The following GALP variants were observed in gnomAD, a reference collection of about 807,000 sequenced individuals.
The protein encoded by GALP is galanin like peptide, also known as galanin-like peptide.
Under a neutral mutation model 15.2 loss-of-function variants are expected in GALP, and 12 were observed. The ratio of observed to expected loss-of-function variants is 0.79; its 90% CI spans 0.51 to 1.28. The LOEUF (loss-of-function observed/expected upper bound fraction) is 1.28, where lower values mean the gene tolerates loss of function less well. Ranked by LOEUF, GALP falls within the 50% of genes most tolerant of loss-of-function variation. The pLI is 0.00. For missense variants in GALP, 161 were observed against 145.6 expected, an observed-to-expected ratio of 1.11 and a Z score of -0.55; for synonymous variants, 58 against 55.1, an observed-to-expected ratio of 1.05 and a Z score of -0.23.
In GALP at chr19:56,182,208, A is replaced by G; in HGVS notation, c.173A>G (p.Lys58Arg). ...HLPQMGDQDGKRETALEILDL... is the reference protein window; with the variant it reads ...HLPQMGDQDGRRETALEILDL... ...CCCCAAATGGGTGACCAAGACGGAA[A>G]GAGGGAGACAGCCCTTGAGATCCTA... is the stretch of plus-strand genomic sequence containing the variant. The change falls in exon 4 of 6, where the codon AAG (lysine) becomes AGG (arginine). Residue 58 changes from lysine (K) to arginine (R), a missense_variant. Lys to Arg is a conservative substitution (Grantham distance 26). Transcript: ENST00000357330. 6.2e-7 allele frequency: 1 copy of G among 1,614,044 alleles called. No homozygotes were observed. Among genetic ancestry groups the G allele is most frequent in the Non-Finnish European group, 8.5e-7 (1 of 1,179,890 alleles).
At chr19:56,183,701 G>A (rs932735537) in intron 5 of GALP, among the ~76,000 whole-genome samples, 10 of 152,158 alleles carry the variant, frequency 6.6e-5, no homozygotes, top group East Asian at 1.9e-4. Flanking sequence ...GTGTTCAAGC[G>A]ATTCTTCTGC....
Position 56,185,208 on chromosome 19 carries a change from C to T in GALP, c.296-7C>T. On this transcript the variant is annotated splice_region_variant and splice_polypyrimidine_tract_variant and intron_variant, in intron 5 of 5. Transcript: ENST00000357330. Reference sequence around the variant, plus strand: ...CCATTCAAAGTTTACCTCTTTCTTTCCCACAGATCTGGGCATGCTCAGCAT... The same window carrying T: ...CCATTCAAAGTTTACCTCTTTCTTTTCCACAGATCTGGGCATGCTCAGCAT... 1.3e-6 allele frequency: 2 copies of T among 1,596,778 alleles called. No homozygotes were observed. The highest frequency in any genetic ancestry group is 1.7e-5 in the Admixed American group (1 of 59,336).
chr19:56,185,477 C>A lies in GALP; in HGVS notation c.*207C>A. On this transcript the variant is annotated 3_prime_UTR_variant, in exon 6 of 6. Transcript: ENST00000357330. Reference sequence around the variant, plus strand: ...TCATCCTTGAAATCAGTATAATGTGCTATTAATGGAACCAATAGTAATTCG... The same window carrying A: ...TCATCCTTGAAATCAGTATAATGTGATATTAATGGAACCAATAGTAATTCG... The A allele has an allele frequency of 2.3e-6, 1 of 443,604 alleles. No homozygotes were observed. The highest frequency in any genetic ancestry group is 3.9e-6 in the Non-Finnish European group (1 of 254,124). The allele number at this position is 443,604 out of a possible 1,614,324, so 27.5% of individuals were successfully genotyped here. A position where few individuals can be genotyped will look rare whatever the true frequency, so the allele number is the denominator to read the frequency against.
At chr19:56,176,824 G>C (rs1489090623) in intron 1 of GALP, among the ~76,000 whole-genome samples, 1 of 134,736 alleles carries the variant, frequency 7.4e-6, no homozygotes, top group African/African-American at 2.8e-5. Context: ...TGAAGATGGA[G>C]TGGTGGAGGC....
chr19:56,181,996 G>A (rs764640637), intron 3 of GALP, among the ~76,000 whole-genome samples, 176 bp from the exon 4 acceptor site: 1 of 152,116 alleles, frequency 6.6e-6, no homozygotes, highest in African/African-American at 2.4e-5. Flanking sequence ...GCAAGTGACC[G>A]CTTGCAGCTG....
At chr19:56,180,412 G>A (rs1046124662) in intron 2 of GALP, among the ~76,000 whole-genome samples, 174 bp from the exon 3 acceptor site, 1 of 152,150 alleles carries the variant, frequency 6.6e-6, no homozygotes, top group Non-Finnish European at 1.5e-5. Flanking sequence ...TTCCAGGCCA[G>A]TTGGCTTTGT....
At chr19:56,180,700 G>C in intron 3 of GALP, 66 bp downstream of exon 3, 1 of 1,344,786 alleles carries the variant, frequency 7.4e-7, no homozygotes, top group South Asian at 1.2e-5. Flanking sequence ...CAGGCAGTGA[G>C]TTTGTGGCTT....
At position 56,180,907 on chromosome 19, in the gene GALP, CTTTCTTTCTTTTTTTTT is replaced by C. The variant is rs1227703003; in HGVS notation, c.136+277_136+293del. Among the ~76,000 whole-genome samples the C allele has an allele frequency of 7.8e-4, 65 of 83,724 alleles. 1 individual carries two copies. In the East Asian group the frequency reaches 0.015, roughly 19 times the overall value. The allele number at this position is 83,724 out of a possible 152,430, so 54.9% of individuals were successfully genotyped here. On this transcript the variant is annotated intron_variant, in intron 3 of 5. Coordinates refer to ENST00000357330, the MANE Select transcript of GALP (RefSeq NM_033106.4). ...TCTCTCACTCTTTCTTTCTTTCTTT[CTTTCTTTCTTTTTTTTT>C]TTTTTTTTTTTTTGACAGAGTCTCG...
chr19:56,185,523 G>T lies in GALP; in HGVS notation c.*253G>T. 2.9e-6 allele frequency: 1 copy of T among 341,602 alleles called. No individual in the cohort carries two copies. Among genetic ancestry groups the T allele is most frequent in the Non-Finnish European group, 5.2e-6 (1 of 190,680 alleles). 21.2% of individuals were successfully genotyped at this position (341,602 alleles called of 1,614,324 possible). A position where few individuals can be genotyped will look rare whatever the true frequency, so the allele number is the denominator to read the frequency against. On this transcript the variant is annotated 3_prime_UTR_variant, in exon 6 of 6. Transcript: ENST00000357330. Reference sequence around the variant, plus strand: ...ATTCGAGGACTAGTTGGGAGATTCTGGGGTAATCAGGGAATATTCCTGCAA... The same window carrying T: ...ATTCGAGGACTAGTTGGGAGATTCTTGGGTAATCAGGGAATATTCCTGCAA...
intron 2 of GALP, among the ~76,000 whole-genome samples, chr19:56,179,246 T>G (rs911658802): frequency 1.8e-4 from 28 of 151,854 alleles, no homozygotes; most frequent in Non-Finnish European, 3.8e-4. Context: ...CCAGCTGTTC[T>G]TCTTAGTGTG....
chr19:56,182,091 T>C (rs941239703), intron 3 of GALP, 81 bp from the exon 4 acceptor site: 2 of 979,956 alleles, frequency 2.0e-6, no homozygotes, highest in Admixed American at 3.4e-5. Flanking sequence ...CGGTGAGCCA[T>C]GCTGTTGAAT....
intron 5 of GALP, 121 bp downstream of exon 5, chr19:56,183,333 C>A (rs2032598671): frequency 9.3e-6 from 7 of 756,394 alleles, no homozygotes; most frequent in Middle Eastern, 3.2e-4. Context: ...GGGACCTCCT[C>A]ACCTGTAACC....
chr19:56,180,441 T>C, intron 2 of GALP, 145 bp from the exon 3 acceptor site: 1 of 655,594 alleles, frequency 1.5e-6, no homozygotes, highest in Non-Finnish European at 2.8e-6. Flanking sequence ...GTCCTCAATT[T>C]CCTCATCGGT....
intron 3 of GALP, among the ~76,000 whole-genome samples, chr19:56,181,827 G>A (rs1319616289): frequency 6.6e-6 from 1 of 152,136 alleles, no homozygotes; most frequent in Non-Finnish European, 1.5e-5. Flanking sequence ...AAAATACCGA[G>A]ATTCCCGTGG....
intron 3 of GALP, among the ~76,000 whole-genome samples, 157 bp downstream of exon 3, chr19:56,180,791 T>C (rs1205600905): frequency 3.3e-5 from 5 of 151,946 alleles, no homozygotes; most frequent in Non-Finnish European, 7.4e-5. Context: ...AGCAGAGCGA[T>C]GGGTGTGTGG....
At position 56,182,085 on chromosome 19, in the gene GALP, G is replaced by T. The variant is rs905733740; in HGVS notation, c.137-87G>T. 65 of 936,458 alleles carry T rather than the reference G, an allele frequency of 6.9e-5. 1 individual carries two copies. In the South Asian group the frequency reaches 8.7e-4, roughly 13 times the overall value. 58.0% of individuals were successfully genotyped at this position (936,458 alleles called of 1,614,324 possible). On this transcript the variant is annotated intron_variant, in intron 3 of 5. Coordinates refer to ENST00000357330, the MANE Select transcript of GALP (RefSeq NM_033106.4). ...ACTTGGTGGAGGCGCTGCGTCCGGT[G>T]AGCCATGCTGTTGAATTGATGGACG...
chr19:56,179,753 C>A (rs1312780214), intron 2 of GALP, among the ~76,000 whole-genome samples: 1 of 151,774 alleles, frequency 6.6e-6, no homozygotes, highest in Non-Finnish European at 1.5e-5. Flanking sequence ...AAGTGATCCT[C>A]CCACCTACAG....
chr19:56,180,911 CTTTCTTTTTTT>C (rs1450317404), intron 3 of GALP, among the ~76,000 whole-genome samples: 38 of 90,692 alleles, frequency 4.2e-4, no homozygotes, highest in African/African-American at 5.8e-4. Context: ...TTCTTTCTTT[CTTTCTTTTTTT>C]TTTTTTTTTT....
intron 4 of GALP, 119 bp downstream of exon 4, chr19:56,182,371 G>A (rs547739990): frequency 1.0e-4 from 68 of 681,356 alleles, no homozygotes; most frequent in Admixed American, 9.2e-4. Flanking sequence ...TATTTGGGGG[G>A]CCCTGGGCAA....
Sources: gnomAD v4.1 joint callset for allele counts (sites outside exome capture counted in the v4.1 genomes callset) on GRCh38, gnomAD v4.1.1 for gene constraint, MANE v1.5 for transcripts, NCBI Gene and HGNC (gene_info 2026-07-23, HGNC 2026-07-21) for gene names.